Variants in TCF7L2 observed in about 807,000 individuals in gnomAD.
TCF7L2 encodes the protein transcription factor 7-like 2.
Under a neutral mutation model 77.9 loss-of-function variants are expected in TCF7L2, and 23 were observed. The ratio of observed to expected loss-of-function variants is 0.30; its 90% CI spans 0.21 to 0.42. The LOEUF is 0.42. TCF7L2 is among the 10% of genes least tolerant of loss of function. TCF7L2 has a pLI of 1.00. For synonymous variants in TCF7L2, 413 were observed against 340.2 expected, an observed-to-expected ratio of 1.21 and a Z score of -2.36; for missense variants, 654 against 793.1, an observed-to-expected ratio of 0.82 and a Z score of 2.11.
At chr10:113,148,032 T>A (rs759254243) in intron 8 of TCF7L2, among the ~76,000 whole-genome samples, 1 of 152,226 alleles carries the variant, frequency 6.6e-6, no homozygotes, top group Admixed American at 6.5e-5. Flanking sequence ...AGGTCTATTA[T>A]ACTTATGGCA....
At chr10:113,070,254 TA>T (rs147219113) in intron 5 of TCF7L2, among the ~76,000 whole-genome samples, 17,175 of 118,182 alleles carry the variant, frequency 0.15, 1,392 homozygotes, top group Middle Eastern at 0.3. Flanking sequence ...GACTCCGTCT[TA>T]AAAAAAAAAA....
At chr10:113,114,406 C>G (rs2063483554) in intron 5 of TCF7L2, among the ~76,000 whole-genome samples, 1 of 151,992 alleles carries the variant, frequency 6.6e-6, no homozygotes, top group Admixed American at 6.6e-5. Context: ...GAAGCTCTGA[C>G]TTTTTGGTCC....
At chr10:113,027,786 C>T (rs1315713226) in intron 4 of TCF7L2, among the ~76,000 whole-genome samples, 9 of 151,774 alleles carry the variant, frequency 5.9e-5, no homozygotes, top group Non-Finnish European at 8.8e-5. Flanking sequence ...CTCCCCCCCT[C>T]ACCCTATTCA....
rs141060651 is a variant in TCF7L2, at chr10:112,966,184, TTATATATATA to T, written c.450+1578_450+1587del. 2.4e-4 allele frequency among the ~76,000 whole-genome samples: 27 copies of T among 114,234 alleles called. 2 individuals are homozygous for T. Among genetic ancestry groups the T allele is most frequent in the Admixed American group, 7.4e-4 (9 of 12,156 alleles). 74.9% of individuals were successfully genotyped at this position (114,234 alleles called of 152,430 possible). A position where few individuals can be genotyped will look rare whatever the true frequency, so the allele number is the denominator to read the frequency against. On this transcript the variant is annotated intron_variant, in intron 4 of 13. Transcript: ENST00000627217. Reference sequence around the variant, plus strand: ...GAGTGAGACTCTGTCTAAAATATATTTATATATATATATATATATATATATATTTTCTTTT... The same window carrying T: ...GAGTGAGACTCTGTCTAAAATATATTTATATATATATATATATTTTCTTTT...
chr10:113,126,959 T>A (rs999802842), intron 5 of TCF7L2: 6 of 978,964 alleles, frequency 6.1e-6, no homozygotes, highest in Non-Finnish European at 7.3e-6. Context: ...CCTGCCCTGC[T>A]GCGTCCACGG....
chr10:113,014,863 G>T (rs2047076216), intron 4 of TCF7L2, among the ~76,000 whole-genome samples: 1 of 152,114 alleles, frequency 6.6e-6, no homozygotes, highest in Non-Finnish European at 1.5e-5. Flanking sequence ...CTTCAACCTT[G>T]GGAAAGTCTG....
At chr10:113,152,031 C>T (rs1455690916) in intron 10 of TCF7L2, 147 bp downstream of exon 10, 2 of 1,168,118 alleles carry the variant, frequency 1.7e-6, no homozygotes, top group African/African-American at 3.1e-5. Flanking sequence ...ATGGCCTTCA[C>T]TGAGTCAGGA....
intron 5 of TCF7L2, among the ~76,000 whole-genome samples, chr10:113,095,171 C>A (rs2060822343): frequency 6.6e-6 from 1 of 152,274 alleles, no homozygotes; most frequent in East Asian, 1.9e-4. Context: ...GCAACTGCAT[C>A]TCATGTGGCA....
chr10:113,108,852 A>G (rs2062756027), intron 5 of TCF7L2, among the ~76,000 whole-genome samples: 1 of 152,230 alleles, frequency 6.6e-6, no homozygotes, highest in African/African-American at 2.4e-5. Context: ...ATATTCTCCC[A>G]TTCCCTGCCG....
chr10:113,132,339 A>C (rs530657092), intron 5 of TCF7L2, among the ~76,000 whole-genome samples: 14 of 152,372 alleles, frequency 9.2e-5, no homozygotes, highest in African/African-American at 3.4e-4. Context: ...CAGGGTATAC[A>C]AGAAAAACAA....
At chr10:113,135,099 G>A (rs1225861676) in intron 5 of TCF7L2, among the ~76,000 whole-genome samples, 1 of 152,196 alleles carries the variant, frequency 6.6e-6, no homozygotes, top group Non-Finnish European at 1.5e-5. Flanking sequence ...GTGGGGTCGG[G>A]GTGAGAGGGG....
intron 5 of TCF7L2, among the ~76,000 whole-genome samples, chr10:113,127,556 T>C (rs1424591903): frequency 9.9e-5 from 13 of 131,880 alleles, no homozygotes; most frequent in Non-Finnish European, 1.8e-4. Flanking sequence ...GTTTTTGTTT[T>C]GTTGTTGTTG....
chr10:113,089,781 A>T (rs768252911), intron 5 of TCF7L2, among the ~76,000 whole-genome samples: 1 of 152,168 alleles, frequency 6.6e-6, no homozygotes, highest in Non-Finnish European at 1.5e-5. Flanking sequence ...TGACTCCAGG[A>T]TGCCTGGCTC....
At chr10:113,025,970 C>T (rs954958725) in intron 4 of TCF7L2, among the ~76,000 whole-genome samples, 3 of 151,956 alleles carry the variant, frequency 2.0e-5, no homozygotes, top group Non-Finnish European at 4.4e-5. Flanking sequence ...CCTCTGCCTC[C>T]CGGGTTCAAG....
At chr10:113,045,678 G>A (rs2053316315) in intron 5 of TCF7L2, among the ~76,000 whole-genome samples, 1 of 152,196 alleles carries the variant, frequency 6.6e-6, no homozygotes. Context: ...TCTGCGGGCA[G>A]GACATTTGGG....
chr10:113,148,026 CTA>C (rs2069874520), intron 8 of TCF7L2, among the ~76,000 whole-genome samples: 1 of 152,146 alleles, frequency 6.6e-6, no homozygotes, highest in Admixed American at 6.5e-5. Flanking sequence ...AAGTATAGGT[CTA>C]TTATACTTAT....
At chr10:112,983,091 C>T (rs1469799661) in intron 4 of TCF7L2, among the ~76,000 whole-genome samples, 2 of 151,258 alleles carry the variant, frequency 1.3e-5, no homozygotes, top group African/African-American at 4.9e-5. Flanking sequence ...AATTTGTGGC[C>T]TTTTGGTTGT....
chr10:113,067,768 T>G (rs917769746), intron 5 of TCF7L2, among the ~76,000 whole-genome samples: 4 of 148,340 alleles, frequency 2.7e-5, no homozygotes, highest in African/African-American at 9.8e-5. Flanking sequence ...GGTTGAACAT[T>G]TTTTTTTTTT....
At chr10:113,010,496 A>G (rs1419470707) in intron 4 of TCF7L2, among the ~76,000 whole-genome samples, 1 of 152,210 alleles carries the variant, frequency 6.6e-6, no homozygotes, top group African/African-American at 2.4e-5. Flanking sequence ...CCCATGAAGC[A>G]GTCTTCCAAG....
Sources: allele counts gnomAD v4.1 joint callset (sites outside exome capture counted in the v4.1 genomes callset), GRCh38; gene constraint gnomAD v4.1.1; transcripts MANE v1.5; gene names NCBI Gene and HGNC (gene_info 2026-07-23, HGNC 2026-07-21).